The following BAZ1A variants were observed in gnomAD, a reference collection of about 807,000 sequenced individuals.
The protein encoded by BAZ1A is bromodomain adjacent to zinc finger domain protein 1A.
A neutral mutation model predicts 185.2 loss-of-function variants in BAZ1A; 50 were observed. That is an observed-to-expected ratio of 0.27 (90% CI 0.22 to 0.34). The LOEUF (loss-of-function observed/expected upper bound fraction) is 0.34. Ranked by LOEUF, BAZ1A falls within the 10% of genes least tolerant of loss-of-function variation. BAZ1A has a pLI of 1.00. For synonymous variants in BAZ1A, 571 were observed against 615.6 expected (o/e 0.93, Z 1.07); for missense variants, 1,356 against 1,839.9 (o/e 0.74, Z 4.81).
intron 3 of BAZ1A, among the ~76,000 whole-genome samples, chr14:34,855,165 G>T (rs2042657038): frequency 2.0e-5 from 3 of 152,082 alleles, no homozygotes; most frequent in South Asian, 4.1e-4. Context: ...CAGCCTAAAG[G>T]TTTCTCTGTA....
In BAZ1A at chr14:34,758,539, C is replaced by T. The variant is rs1350533842; in HGVS notation, c.4386+165G>A. On this transcript the variant is annotated intron_variant, in intron 25 of 26. Transcript: ENST00000360310. ...AGCTTGCAGTGAGCCGAGATCGCGCCACTGCACTCCAGCCTGGGCGACAGA... is the reference window on the plus strand; with the variant it reads ...AGCTTGCAGTGAGCCGAGATCGCGCTACTGCACTCCAGCCTGGGCGACAGA... 8.0e-6 allele frequency: 5 copies of T among 623,764 alleles called. No homozygotes were observed. The Admixed American group carries it at 1.6e-4, about 20-fold the overall frequency. The allele number at this position is 623,764 out of a possible 1,614,324, so 38.6% of individuals were successfully genotyped here. A position where few individuals can be genotyped will look rare whatever the true frequency, so the allele number is the denominator to read the frequency against.
intron 18 of BAZ1A, among the ~76,000 whole-genome samples, chr14:34,775,088 C>T (rs1258727566): frequency 1.3e-5 from 2 of 151,762 alleles, no homozygotes; most frequent in East Asian, 2.0e-4. Context: ...TGGTGGCGGG[C>T]GCCTGTTATC....
intron 2 of BAZ1A, among the ~76,000 whole-genome samples, 173 bp from the exon 3 acceptor site, chr14:34,862,495 C>T (rs1566602796): frequency 6.6e-6 from 1 of 151,944 alleles, no homozygotes; most frequent in Non-Finnish European, 1.5e-5. Flanking sequence ...TTAATACAAA[C>T]ATAAGAAAAA....
chr14:34,786,885 G>T (rs1480888142), intron 12 of BAZ1A, among the ~76,000 whole-genome samples: 3 of 151,742 alleles, frequency 2.0e-5, no homozygotes, highest in African/African-American at 7.3e-5. Context: ...TGGGATTACA[G>T]GCGTGAACCA....
At chr14:34,781,033 C>A (rs1476137055) in intron 16 of BAZ1A, among the ~76,000 whole-genome samples, 1 of 151,748 alleles carries the variant, frequency 6.6e-6, no homozygotes, top group African/African-American at 2.4e-5. Context: ...AGTAAACAGG[C>A]AGAATGAACA....
At chr14:34,829,267 G>GAAAAAAAAAAAAAAA (rs60176426) in intron 3 of BAZ1A, among the ~76,000 whole-genome samples, 1 of 86,474 alleles carries the variant, frequency 1.2e-5, no homozygotes, top group African/African-American at 4.6e-5. Context: ...CTCTGTCTCT[G>GAAAAAAAAAAAAAAA]AAAAAAAAAA....
At chr14:34,780,756 A>G (rs1879984176) in intron 16 of BAZ1A, among the ~76,000 whole-genome samples, 1 of 152,222 alleles carries the variant, frequency 6.6e-6, no homozygotes, top group Non-Finnish European at 1.5e-5. Context: ...AGGCAGGGTG[A>G]GATTAGGCTG....
chr14:34,767,206 TTTC>T (rs1220750142), intron 21 of BAZ1A, among the ~76,000 whole-genome samples: 3 of 152,194 alleles, frequency 2.0e-5, no homozygotes, highest in Non-Finnish European at 2.9e-5. Context: ...AATACAGTCT[TTTC>T]TTCTATTTGC....
chr14:34,848,769 G>C (rs1378444764), intron 3 of BAZ1A, among the ~76,000 whole-genome samples: 2 of 152,020 alleles, frequency 1.3e-5, no homozygotes, highest in Non-Finnish European at 2.9e-5. Flanking sequence ...ATAATATTTG[G>C]GGAAACCTAG....
chr14:34,779,325 A>G (rs1193071291), intron 17 of BAZ1A, among the ~76,000 whole-genome samples: 1 of 152,120 alleles, frequency 6.6e-6, no homozygotes, highest in Non-Finnish European at 1.5e-5. Flanking sequence ...GAGGGGCTGT[A>G]TTTAACACAT....
intron 11 of BAZ1A, among the ~76,000 whole-genome samples, chr14:34,793,519 G>T (rs1473169730): frequency 6.6e-6 from 1 of 152,160 alleles, no homozygotes; most frequent in Non-Finnish European, 1.5e-5. Flanking sequence ...AATAAGAGTG[G>T]CATTATAGGA....
In BAZ1A at chr14:34,764,985, T is replaced by C. The variant is rs752984957; in HGVS notation, c.3549+36A>G. The stretch of plus-strand genomic sequence containing the variant: ...AATCATCTATTGCTCAAAATCTTAA[T>C]GTCTCATTTCTAATCTGATAAGAAG... On this transcript the variant is annotated intron_variant, in intron 22 of 26. Coordinates refer to ENST00000360310, the MANE Select transcript of BAZ1A (RefSeq NM_013448.3). 19 of 1,613,408 alleles carry C rather than the reference T, an allele frequency of 1.2e-5. No homozygotes were observed. In the South Asian group the frequency reaches 2.1e-4, roughly 18 times the overall value.
At chr14:34,785,691 T>G in intron 14 of BAZ1A, 86 bp downstream of exon 14, 2 of 1,116,738 alleles carry the variant, frequency 1.8e-6, no homozygotes. Context: ...TGATTTATTG[T>G]AAAATTTCTC....
intron 4 of BAZ1A, among the ~76,000 whole-genome samples, chr14:34,819,553 T>C (rs1317531684): frequency 6.6e-6 from 1 of 152,248 alleles, no homozygotes; most frequent in Non-Finnish European, 1.5e-5. Flanking sequence ...CATTTAAATT[T>C]CTTTTAGTAC....
At chr14:34,812,135 G>C (rs936919717) in intron 4 of BAZ1A, among the ~76,000 whole-genome samples, 1 of 152,022 alleles carries the variant, frequency 6.6e-6, no homozygotes, top group African/African-American at 2.4e-5. Flanking sequence ...ACAGAGTGCA[G>C]GGTGGGGGAG....
intron 3 of BAZ1A, among the ~76,000 whole-genome samples, chr14:34,843,595 A>C (rs1200618113): frequency 6.6e-6 from 1 of 152,184 alleles, no homozygotes; most frequent in African/African-American, 2.4e-5. Flanking sequence ...TTGTAAGAGT[A>C]ATGTTTACTG....
intron 9 of BAZ1A, among the ~76,000 whole-genome samples, chr14:34,798,567 A>T (rs1041116412): frequency 3.3e-5 from 5 of 152,234 alleles, no homozygotes; most frequent in Admixed American, 6.5e-5. Flanking sequence ...TCATCAAAAA[A>T]TGAGCGAAGG....
chr14:34,763,597 T>C (rs1309395416), intron 23 of BAZ1A, among the ~76,000 whole-genome samples: 1 of 152,192 alleles, frequency 6.6e-6, no homozygotes, highest in Non-Finnish European at 1.5e-5. Flanking sequence ...TGTGCTTCAC[T>C]GCATGCTACA....
chr14:34,783,886 G>A lies in BAZ1A; in HGVS notation c.1873C>T (p.Leu625=), dbSNP rs1880222977. Residue 625 remains leucine, a synonymous_variant, in exon 15 of 27, where the codon CTG becomes TTG. Coordinates refer to ENST00000360310, the MANE Select transcript of BAZ1A (RefSeq NM_013448.3). ...AAATCCCTAGTTGAAACTAGGGTCAGTAGCTTTCCACAGAGAGCATGGAGT... is the reference window on the plus strand; with the variant it reads ...AAATCCCTAGTTGAAACTAGGGTCAATAGCTTTCCACAGAGAGCATGGAGT... ...KILHALCGKL[L]TLVSTRDFIE... 6.2e-7 allele frequency: 1 copy of A among 1,611,758 alleles called. No individual in the cohort carries two copies. The highest frequency in any genetic ancestry group is 8.5e-7 in the Non-Finnish European group (1 of 1,179,334).
Sources: allele counts gnomAD v4.1 joint callset (sites outside exome capture counted in the v4.1 genomes callset), GRCh38; gene constraint gnomAD v4.1.1; transcripts MANE v1.5; gene names NCBI Gene and HGNC (gene_info 2026-07-23, HGNC 2026-07-21).